Variants in TBC1D32 observed in about 807,000 individuals in gnomAD.
The protein encoded by TBC1D32 is TBC1 domain family member 32, also known as protein broad-minded.
In TBC1D32, 151 loss-of-function variants were observed where a neutral mutation model predicts 170.3. The ratio of observed to expected loss-of-function variants is 0.89; its 90% CI spans 0.78 to 1.01. The LOEUF (loss-of-function observed/expected upper bound fraction) is 1.01, where lower values mean the gene tolerates loss of function less well. Among genes scored for constraint, TBC1D32 ranks in the 50% least tolerant of loss-of-function variants. The pLI, the probability that TBC1D32 is intolerant of heterozygous loss-of-function variation, is 0.00. For synonymous variants in TBC1D32, 498 were observed against 488.0 expected, an observed-to-expected ratio of 1.02 and a Z score of -0.27; for missense variants, 1,464 against 1,457.1, an observed-to-expected ratio of 1.00 and a Z score of -0.08.
intron 15 of TBC1D32, among the ~76,000 whole-genome samples, chr6:121,263,579 C>A (rs569499233): frequency 1.1e-4 from 17 of 152,262 alleles, no homozygotes; most frequent in African/African-American, 3.8e-4. Context: ...TTGAACTCAG[C>A]TCTGGATCAA....
chr6:121,096,710 C>T (rs887246549), intron 30 of TBC1D32, among the ~76,000 whole-genome samples: 9 of 152,046 alleles, frequency 5.9e-5, no homozygotes, highest in African/African-American at 9.6e-5. Flanking sequence ...AAAGTTCATA[C>T]GGAACCAAAA....
At chr6:121,175,189 G>C (rs1277423417) in intron 22 of TBC1D32, among the ~76,000 whole-genome samples, 2 of 152,158 alleles carry the variant, frequency 1.3e-5, no homozygotes, top group Non-Finnish European at 2.9e-5. Context: ...AAGGTTTAGG[G>C]AGACACTTTT....
intron 24 of TBC1D32, among the ~76,000 whole-genome samples, chr6:121,134,873 T>A (rs543869935): frequency 1.3e-5 from 2 of 152,280 alleles, no homozygotes; most frequent in African/African-American, 4.8e-5. Flanking sequence ...GCATCATTGC[T>A]TGCATCTACT....
intron 29 of TBC1D32, among the ~76,000 whole-genome samples, chr6:121,106,595 G>T (rs934499257): frequency 6.6e-6 from 1 of 151,898 alleles, no homozygotes; most frequent in South Asian, 2.1e-4. Flanking sequence ...AAGGATTTTA[G>T]CTTTGTCAGC....
chr6:121,198,683 G>A (rs954228370), intron 22 of TBC1D32, among the ~76,000 whole-genome samples: 10 of 150,908 alleles, frequency 6.6e-5, no homozygotes, highest in South Asian at 2.1e-4. Context: ...CCCGGGAGGC[G>A]GAGCTTGCAG....
At chr6:121,325,729 C>T (rs1336738067) in intron 1 of TBC1D32, among the ~76,000 whole-genome samples, 3 of 152,168 alleles carry the variant, frequency 2.0e-5, no homozygotes, top group Admixed American at 1.3e-4. Flanking sequence ...GACTTCATGA[C>T]TAAAATACCA....
At chr6:121,085,195 TTACA>T (rs1413066110) in intron 31 of TBC1D32, among the ~76,000 whole-genome samples, 1 of 148,802 alleles carries the variant, frequency 6.7e-6, no homozygotes, top group Non-Finnish European at 1.5e-5. Flanking sequence ...GTGTTGTGTC[TTACA>T]TATATATACA....
rs779612512 is a variant in TBC1D32, at chr6:121,334,383, C to G, written c.48G>C (p.Leu16=). 5 of 1,614,026 alleles carry G rather than the reference C, an allele frequency of 3.1e-6. No individual in the cohort carries two copies. The highest frequency in any genetic ancestry group is 4.2e-6 in the Non-Finnish European group (5 of 1,179,952). The change falls in exon 1 of 32, where the codon CTG becomes CTC. Residue 16 remains leucine (L), a synonymous_variant. Coordinates refer to ENST00000398212, the MANE Select transcript of TBC1D32 (RefSeq NM_152730.6). ...SEDQAMLQAM[L]RRLFQSVKEK... ...CCTTCACGCTCTGGAACAACCGCCT[C>G]AGCATCGCCTGCAGCATCGCCTGGT...
intron 22 of TBC1D32, among the ~76,000 whole-genome samples, chr6:121,161,969 C>A (rs1785734018): frequency 6.6e-6 from 1 of 152,156 alleles, no homozygotes; most frequent in Non-Finnish European, 1.5e-5. Context: ...TTGTTGGCCA[C>A]ATGTATGTCT....
chr6:121,188,557 G>A (rs1042922180), intron 22 of TBC1D32, among the ~76,000 whole-genome samples: 10 of 151,900 alleles, frequency 6.6e-5, no homozygotes, highest in Non-Finnish European at 1.5e-4. Flanking sequence ...AGAGATGAAG[G>A]CTGAAAGTTA....
chr6:121,124,622 C>T (rs554649330), intron 26 of TBC1D32, among the ~76,000 whole-genome samples: 1 of 152,072 alleles, frequency 6.6e-6, no homozygotes, highest in African/African-American at 2.4e-5. Flanking sequence ...AACTTTCTAG[C>T]CCTTGTCTTT....
rs571425273 is a variant in TBC1D32 at position 121,275,178 on chromosome 6, C to T, written c.1733+3943G>A. Among the ~76,000 whole-genome samples the T allele has an allele frequency of 2.6e-5, 4 of 152,100 alleles. No individual in the cohort carries two copies. The East Asian group carries it at 7.7e-4, about 29-fold the overall frequency. ...TTGTATGTTTGGTGGGGAAAGCAGGCAAGAGAGATAAATTGTTGTAATGTA... is the reference window on the plus strand; with the variant it reads ...TTGTATGTTTGGTGGGGAAAGCAGGTAAGAGAGATAAATTGTTGTAATGTA... On this transcript the variant is annotated intron_variant, in intron 15 of 31. Coordinates refer to ENST00000398212, the MANE Select transcript of TBC1D32 (RefSeq NM_152730.6).
intron 18 of TBC1D32, 62 bp from the exon 19 acceptor site, chr6:121,241,614 T>G (rs1441229407): frequency 1.5e-6 from 2 of 1,335,596 alleles, no homozygotes; most frequent in Non-Finnish European, 2.1e-6. Flanking sequence ...TAACTAGACA[T>G]TCCTTCAAGA....
intron 30 of TBC1D32, among the ~76,000 whole-genome samples, chr6:121,096,710 C>G (rs887246549): frequency 6.6e-6 from 1 of 151,930 alleles, no homozygotes; most frequent in Non-Finnish European, 1.5e-5. Context: ...AAAGTTCATA[C>G]GGAACCAAAA....
rs1785555776 is a variant in TBC1D32 at position 121,160,998 on chromosome 6, G to C, written c.2629C>G (p.Leu877Val). ...ERNHVLVRINLVGGPLERILP... is the reference protein window; with the variant it reads ...ERNHVLVRINVVGGPLERILP... Reference sequence around the variant, plus strand: ...ATCCGTTCCAATGGCCCACCAACAAGATTTATTCTAACAAGAACATGATTT... The same window carrying C: ...ATCCGTTCCAATGGCCCACCAACAACATTTATTCTAACAAGAACATGATTT... The change falls in exon 23 of 32, where the codon CTT (leucine) becomes GTT (valine). Residue 877 changes from leucine to valine, a missense_variant. By Grantham distance (32) the Leu-to-Val change is conservative. Around this residue, in one of 3 missense-constraint regions of TBC1D32, gnomAD observed 1,363 missense variants for 1,338.1 expected, o/e 1.02. Transcript: ENST00000398212. 5.6e-6 allele frequency: 9 copies of C among 1,613,588 alleles called. No homozygotes were observed. Among genetic ancestry groups the C allele is most frequent in the African/African-American group, 1.3e-5 (1 of 74,882 alleles).
intron 20 of TBC1D32, among the ~76,000 whole-genome samples, chr6:121,230,451 A>G (rs545867993): frequency 6.6e-6 from 1 of 152,218 alleles, no homozygotes; most frequent in South Asian, 2.1e-4. Flanking sequence ...CCTACCACCT[A>G]AAATGTAATT....
At chr6:121,099,078 TA>T (rs1777731217) in intron 30 of TBC1D32, among the ~76,000 whole-genome samples, 1 of 152,068 alleles carries the variant, frequency 6.6e-6, no homozygotes, top group African/African-American at 2.4e-5. Context: ...GCTTTCATAA[TA>T]GGGGGAAAAA....
intron 4 of TBC1D32, among the ~76,000 whole-genome samples, chr6:121,310,545 T>C (rs544972248): frequency 1.7e-4 from 26 of 152,342 alleles, no homozygotes; most frequent in Middle Eastern, 3.4e-3. Context: ...TTGAAATTGA[T>C]GCTGAAGATA....
intron 26 of TBC1D32, among the ~76,000 whole-genome samples, chr6:121,123,204 T>C (rs1780459578): frequency 6.6e-6 from 1 of 152,096 alleles, no homozygotes. Context: ...TTGAGGTATG[T>C]TCCTTCTATA....
Sources: allele counts gnomAD v4.1 joint callset (sites outside exome capture counted in the v4.1 genomes callset), GRCh38; gene constraint gnomAD v4.1.1; regional missense constraint gnomAD v4.1.1; transcripts MANE v1.5; gene names NCBI Gene and HGNC (gene_info 2026-07-23, HGNC 2026-07-21).